ELMO1: variants seen among roughly 807,000 people sequenced by gnomAD.
ELMO1 encodes the protein engulfment and cell motility protein 1.
In ELMO1, 26 loss-of-function variants were observed where a neutral mutation model predicts 98.9. That is an observed-to-expected ratio of 0.26 (90% CI 0.19 to 0.36). The LOEUF is 0.36. ELMO1 is among the 10% of genes least tolerant of loss of function. The probability of loss-of-function intolerance (pLI) is 1.00; values close to 1 mark genes in which losing one functional copy is unlikely to be tolerated. For synonymous variants in ELMO1, 346 were observed against 346.0 expected, an observed-to-expected ratio of 1.00 and a Z score of 0.00; for missense variants, 627 against 935.2, an observed-to-expected ratio of 0.67 and a Z score of 4.30.
chr7:37,170,196 C>T (rs922454451), intron 13 of ELMO1, among the ~76,000 whole-genome samples: 8 of 152,286 alleles, frequency 5.3e-5, no homozygotes, highest in African/African-American at 7.2e-5. Context: ...TGAGCCACCG[C>T]GCCTGGCGCA....
At chr7:37,309,677 T>C (rs1798798388) in intron 4 of ELMO1, among the ~76,000 whole-genome samples, 1 of 152,170 alleles carries the variant, frequency 6.6e-6, no homozygotes, top group African/African-American at 2.4e-5. Flanking sequence ...AGCTCTTTGA[T>C]TGAGGGTAAC....
chr7:37,132,578 C>A (rs1786997654), intron 14 of ELMO1, among the ~76,000 whole-genome samples: 2 of 152,196 alleles, frequency 1.3e-5, no homozygotes, highest in African/African-American at 2.4e-5. Flanking sequence ...CAGCGGATGG[C>A]ATCTTCAGCA....
intron 1 of ELMO1, among the ~76,000 whole-genome samples, chr7:37,398,129 G>A (rs1436316121): frequency 6.6e-6 from 1 of 152,038 alleles, no homozygotes; most frequent in Non-Finnish European, 1.5e-5. Flanking sequence ...TATAACAAAC[G>A]TGCACACCTG....
rs547524811 is a variant in ELMO1 at position 37,240,613 on chromosome 7, T to C, written c.449+3743A>G. On this transcript the variant is annotated intron_variant, in intron 7 of 21. Transcript: ENST00000310758. ...CTTCCTTTTCAACATAGATATTTAA[T>C]GCTACAAATTTCCCCCTAAGCACAG... Among the ~76,000 whole-genome samples the C allele has an allele frequency of 3.3e-5, 5 of 152,304 alleles. No individual in the cohort carries two copies. The East Asian group carries it at 7.7e-4, about 23-fold the overall frequency.
chr7:36,941,571 C>T (rs932145945), intron 16 of ELMO1, among the ~76,000 whole-genome samples: 2 of 152,196 alleles, frequency 1.3e-5, no homozygotes, highest in African/African-American at 4.8e-5. Context: ...CATGTGAGGC[C>T]TTTTATCTCC....
intron 15 of ELMO1, among the ~76,000 whole-genome samples, chr7:37,088,077 C>T (rs1783881453): frequency 6.6e-6 from 1 of 152,178 alleles, no homozygotes; most frequent in African/African-American, 2.4e-5. Flanking sequence ...GGCAAATCTA[C>T]CAGGCTCACC....
At chr7:37,169,814 G>A (rs570261146) in intron 13 of ELMO1, among the ~76,000 whole-genome samples, 47 of 152,248 alleles carry the variant, frequency 3.1e-4, no homozygotes, top group Admixed American at 1.3e-3. Flanking sequence ...TTTGGCTTAC[G>A]AGCACAGTGA....
chr7:37,155,495 A>ATAAAT (rs1563040671), intron 13 of ELMO1, among the ~76,000 whole-genome samples: 5 of 125,796 alleles, frequency 4.0e-5, no homozygotes, highest in Admixed American at 2.5e-4. Context: ...AGCAAAAAAA[A>ATAAAT]AAAAAAAAAA....
intron 5 of ELMO1, among the ~76,000 whole-genome samples, chr7:37,263,905 T>C (rs1256648714): frequency 6.6e-6 from 1 of 152,134 alleles, no homozygotes; most frequent in Non-Finnish European, 1.5e-5. Flanking sequence ...TGGATGCATG[T>C]AAATATCGGA....
At chr7:37,014,152 G>A (rs1334979825) in intron 15 of ELMO1, among the ~76,000 whole-genome samples, 1 of 151,724 alleles carries the variant, frequency 6.6e-6, no homozygotes, top group Non-Finnish European at 1.5e-5. Flanking sequence ...GGAACTTTAG[G>A]TCTGGTCCCT....
At chr7:37,298,434 C>G (rs1395893824) in intron 4 of ELMO1, among the ~76,000 whole-genome samples, 1 of 131,052 alleles carries the variant, frequency 7.6e-6, no homozygotes, top group East Asian at 2.5e-4. Flanking sequence ...GGTATATCTC[C>G]CAATGCTATC....
At chr7:37,424,970 C>T (rs1023534179) in intron 1 of ELMO1, among the ~76,000 whole-genome samples, 2 of 152,078 alleles carry the variant, frequency 1.3e-5, no homozygotes, top group Non-Finnish European at 2.9e-5. Context: ...TGTGTTATCA[C>T]TGCCTCATAC....
At chr7:37,304,502 G>A (rs1167831697) in intron 4 of ELMO1, among the ~76,000 whole-genome samples, 1 of 152,174 alleles carries the variant, frequency 6.6e-6, no homozygotes, top group African/African-American at 2.4e-5. Context: ...GATAACCTGA[G>A]GTCAGGAGTT....
At chr7:37,289,078 T>C (rs1373160242) in intron 4 of ELMO1, among the ~76,000 whole-genome samples, 1 of 152,202 alleles carries the variant, frequency 6.6e-6, no homozygotes, top group African/African-American at 2.4e-5. Flanking sequence ...AGAATGGGCA[T>C]CTCCATGTTT....
At chr7:37,102,672 T>G (rs551966715) in intron 14 of ELMO1, among the ~76,000 whole-genome samples, 1 of 152,232 alleles carries the variant, frequency 6.6e-6, no homozygotes, top group Non-Finnish European at 1.5e-5. Context: ...TCCACACACG[T>G]GTACCAGCAC....
intron 1 of ELMO1, among the ~76,000 whole-genome samples, chr7:37,394,651 G>C (rs775989837): frequency 6.6e-6 from 1 of 152,186 alleles, no homozygotes; most frequent in Non-Finnish European, 1.5e-5. Flanking sequence ...GAACAGTGTG[G>C]AGGAAACAGA....
intron 1 of ELMO1, among the ~76,000 whole-genome samples, chr7:37,373,601 T>TC (rs1370744207): frequency 6.8e-6 from 1 of 146,630 alleles, no homozygotes; most frequent in Non-Finnish European, 1.5e-5. Flanking sequence ...AGAGCAAGAC[T>TC]CCATCTCAAA....
intron 2 of ELMO1, among the ~76,000 whole-genome samples, chr7:37,320,368 G>A (rs956298250): frequency 3.3e-5 from 5 of 151,186 alleles, no homozygotes; most frequent in South Asian, 2.1e-4. Flanking sequence ...TTCTGTACAC[G>A]TTCCCCATGC....
At chr7:37,282,080 C>T (rs920000503) in intron 4 of ELMO1, among the ~76,000 whole-genome samples, 2 of 139,390 alleles carry the variant, frequency 1.4e-5, no homozygotes, top group Non-Finnish European at 3.1e-5. Context: ...ATATGTTTCC[C>T]TCTGAAATCT....
Sources: allele counts gnomAD v4.1 joint callset (sites outside exome capture counted in the v4.1 genomes callset), GRCh38; gene constraint gnomAD v4.1.1; transcripts MANE v1.5; gene names NCBI Gene and HGNC (gene_info 2026-07-23, HGNC 2026-07-21).